PCDHGA3: variants seen among roughly 807,000 people sequenced by gnomAD.
PCDHGA3 encodes protocadherin gamma subfamily A, 3.
In PCDHGA3, 40 loss-of-function variants were observed where a neutral mutation model predicts 58.5. That is an observed-to-expected ratio of 0.68 (90% CI 0.53 to 0.89). The LOEUF is 0.89. Among genes scored for constraint, PCDHGA3 ranks in the 40% least tolerant of loss-of-function variants. The probability of loss-of-function intolerance (pLI) is 0.00; values close to 1 mark genes in which losing one functional copy is unlikely to be tolerated. For missense variants in PCDHGA3, 1,223 were observed against 1,195.9 expected (o/e 1.02, Z -0.33); for synonymous variants, 530 against 525.7 (o/e 1.01, Z -0.11).
intron 1 of PCDHGA3, among the ~76,000 whole-genome samples, chr5:141,484,764 A>G (rs1469048336): frequency 6.6e-6 from 1 of 151,806 alleles, no homozygotes; most frequent in African/African-American, 2.4e-5. Flanking sequence ...ATATATATAT[A>G]TGTTGTCTGC....
intron 2 of PCDHGA3, among the ~76,000 whole-genome samples, chr5:141,500,046 T>C (rs959260262): frequency 1.3e-5 from 2 of 152,098 alleles, no homozygotes; most frequent in African/African-American, 4.8e-5. Context: ...TTAAGTATCT[T>C]AATGCTCTTT....
intron 1 of PCDHGA3, chr5:141,360,626 C>G: frequency 6.2e-7 from 1 of 1,614,010 alleles, no homozygotes; most frequent in Non-Finnish European, 8.5e-7. Flanking sequence ...GATGTTGGTC[C>G]TAACTCACTA....
chr5:141,372,334 G>C (rs757971401), intron 1 of PCDHGA3: 1 of 1,613,648 alleles, frequency 6.2e-7, no homozygotes, highest in African/African-American at 1.3e-5. Context: ...GTCACTGTGC[G>C]TGATGGAGGA....
intron 1 of PCDHGA3, chr5:141,393,342 C>T (rs765924046): frequency 6.2e-7 from 1 of 1,613,944 alleles, no homozygotes; most frequent in Admixed American, 1.7e-5. Context: ...CCCCAATCAC[C>T]ACTTCTCCCT....
intron 1 of PCDHGA3, among the ~76,000 whole-genome samples, chr5:141,401,758 G>A (rs573644467): frequency 6.6e-6 from 1 of 152,234 alleles, no homozygotes; most frequent in East Asian, 1.9e-4. Flanking sequence ...CCCATTACAT[G>A]GTATAAGTCT....
At chr5:141,504,517 T>C (rs1057166865) in intron 2 of PCDHGA3, among the ~76,000 whole-genome samples, 5 of 151,918 alleles carry the variant, frequency 3.3e-5, no homozygotes, top group African/African-American at 1.2e-4. Context: ...TCTCCTCTGA[T>C]ATATTTTATT....
At chr5:141,388,635 C>G (rs1441074974) in intron 1 of PCDHGA3, 7 of 1,613,896 alleles carry the variant, frequency 4.3e-6, no homozygotes, top group Non-Finnish European at 5.9e-6. Context: ...CAGGGTGAGC[C>G]TTTCAGAAAA....
intron 1 of PCDHGA3, among the ~76,000 whole-genome samples, chr5:141,358,420 A>G (rs1420796908): frequency 6.6e-6 from 1 of 152,090 alleles, no homozygotes; most frequent in Non-Finnish European, 1.5e-5. Flanking sequence ...TTGAAAGGGT[A>G]TTTTCCATTA....
intron 1 of PCDHGA3, chr5:141,355,156 A>G: frequency 6.4e-7 from 1 of 1,554,072 alleles, no homozygotes; most frequent in Non-Finnish European, 8.7e-7. Context: ...TCAGGCCTCG[A>G]CAGAGGGAAA....
chr5:141,352,565 G>T (rs1190505525), intron 1 of PCDHGA3: 2 of 1,613,802 alleles, frequency 1.2e-6, no homozygotes, highest in African/African-American at 1.3e-5. Flanking sequence ...CCTGACACCG[G>T]AAATGGCTCC....
chr5:141,395,185 T>C, intron 1 of PCDHGA3: 1 of 1,614,158 alleles, frequency 6.2e-7, no homozygotes, highest in Non-Finnish European at 8.5e-7. Context: ...AATGATTCTT[T>C]GTTAACATCC....
At chr5:141,375,835 C>G (rs772317330) in intron 1 of PCDHGA3, 1 of 1,613,984 alleles carries the variant, frequency 6.2e-7, no homozygotes, top group African/African-American at 1.3e-5. Context: ...CCGCAGAGCC[C>G]GGCTACCTGG....
chr5:141,404,405 TC>T, intron 1 of PCDHGA3: 1 of 1,613,914 alleles, frequency 6.2e-7, no homozygotes, highest in South Asian at 1.1e-5. Flanking sequence ...CAATGAGAAT[TC>T]TAGAGTTATT....
At chr5:141,450,831 T>TA (rs761717068) in intron 1 of PCDHGA3, among the ~76,000 whole-genome samples, 7,796 of 144,584 alleles carry the variant, frequency 0.054, 354 homozygotes, top group African/African-American at 0.12. Context: ...TTATTATTAT[T>TA]TTTTTTTTTT....
At position 141,485,287 on chromosome 5, in the gene PCDHGA3, G is replaced by A. The variant is rs1396496143; in HGVS notation, c.2425-9520G>A. 5.0e-6 allele frequency: 8 copies of A among 1,614,064 alleles called. No individual in the cohort carries two copies. The highest frequency in any genetic ancestry group is 6.8e-6 in the Non-Finnish European group (8 of 1,180,002). On this transcript the variant is annotated intron_variant, in intron 1 of 3. Transcript: ENST00000253812. The surrounding 1 kb of genome is among the most constrained non-coding windows in gnomAD (Gnocchi z 5.7). ...AGATCCGCTACCCGGTCCCAGAGGA[G>A]TCACAGGAAGGGACTTTTGTAGGGA...
At chr5:141,462,497 T>C (rs1333421053) in intron 1 of PCDHGA3, among the ~76,000 whole-genome samples, 1 of 152,244 alleles carries the variant, frequency 6.6e-6, no homozygotes, top group Non-Finnish European at 1.5e-5. Flanking sequence ...TATCCTATAA[T>C]TGTCAACTAG....
rs747943587 is a variant in PCDHGA3 at position 141,345,095 on chromosome 5, C to T, written c.1062C>T (p.Ser354=). 6 of 1,613,988 alleles carry T rather than the reference C, an allele frequency of 3.7e-6. No homozygotes were observed. The South Asian group carries it at 5.5e-5, about 15-fold the overall frequency. Residue 354 remains serine, a synonymous_variant, in exon 1 of 4, where the codon AGC becomes AGT. Coordinates refer to ENST00000253812, the MANE Select transcript of PCDHGA3 (RefSeq NM_018916.4). ...AAATTACAATCACGTCTCTCACAAG[C>T]TCAGTCCCAGAAGAGGGCACCGTTG... is the stretch of plus-strand genomic sequence containing the variant. ...APEITITSLT[S]SVPEEGTVGR...
intron 1 of PCDHGA3, among the ~76,000 whole-genome samples, chr5:141,468,186 A>G (rs2099159540): frequency 6.6e-6 from 1 of 151,848 alleles, no homozygotes; most frequent in African/African-American, 2.4e-5. Context: ...TTTGCTGGGC[A>G]TGGTGGCGGG....
rs764482722 is a variant in PCDHGA3 at position 141,432,066 on chromosome 5, C to T, written c.2425-62741C>T. 62 of 1,614,062 alleles carry T rather than the reference C, an allele frequency of 3.8e-5. No individual in the cohort carries two copies. The highest frequency in any genetic ancestry group is 5.2e-5 in the Non-Finnish European group (61 of 1,180,046). On this transcript the variant is annotated intron_variant, in intron 1 of 3. Coordinates refer to ENST00000253812, the MANE Select transcript of PCDHGA3 (RefSeq NM_018916.4). The surrounding 1 kb of genome is among the most constrained non-coding windows in gnomAD (Gnocchi z 6.0). ...GGAACCCCGCCCCTATCCACGGAAA[C>T]TCATATCTCGCTGAACGTGGCAGAC...
Sources: gnomAD v4.1 joint callset for allele counts (sites outside exome capture counted in the v4.1 genomes callset) on GRCh38, gnomAD v4.1.1 for gene constraint, Gnocchi (gnomAD v3.1) non-coding constraint, MANE v1.5 for transcripts, NCBI Gene and HGNC (gene_info 2026-07-23, HGNC 2026-07-21) for gene names.